CYP2W1: variants seen among roughly 807,000 people sequenced by gnomAD.
CYP2W1 encodes the protein cytochrome P450 family 2 subfamily W member 1.
In CYP2W1, 51 loss-of-function variants were observed where a neutral mutation model predicts 44.9. The ratio of observed to expected loss-of-function variants is 1.14; its 90% CI spans 0.91 to 1.43. The LOEUF (loss-of-function observed/expected upper bound fraction) is 1.43, where lower values mean the gene tolerates loss of function less well. CYP2W1 is among the 40% of genes most tolerant of loss of function. CYP2W1 has a pLI of 0.00. For synonymous variants in CYP2W1, 383 were observed against 338.3 expected, an observed-to-expected ratio of 1.13 and a Z score of -1.45; for missense variants, 746 against 700.0, an observed-to-expected ratio of 1.07 and a Z score of -0.74.
At position 987,239 on chromosome 7, in the gene CYP2W1, G is replaced by A. The variant is rs753155574; in HGVS notation, c.952G>A (p.Val318Met). 2.9e-5 allele frequency: 45 copies of A among 1,526,916 alleles called. No individual in the cohort carries two copies. The highest frequency in any genetic ancestry group is 3.5e-5 in the Non-Finnish European group (40 of 1,135,250). The allele number at this position is 1,526,916 out of a possible 1,614,324, so 94.6% of individuals were successfully genotyped here. A position where few individuals can be genotyped will look rare whatever the true frequency, so the allele number is the denominator to read the frequency against. Residue 318 changes from valine to methionine, a missense_variant, in exon 6 of 9, where the codon GTG becomes ATG. By Grantham distance (21) the Val-to-Met change is conservative (BLOSUM62 1). Transcript: ENST00000308919. ...ACTTCTGATGGGCCGGCACCCGGACGTGCAGGGTGAGACCCCGGCGCCTGG... is the reference window on the plus strand; with the variant it reads ...ACTTCTGATGGGCCGGCACCCGGACATGCAGGGTGAGACCCCGGCGCCTGG... ...AALLMGRHPD[V>M]QGRVQEELDR...
intron 4 of CYP2W1, 59 bp from the exon 5 acceptor site, chr7:986,565 G>GATCA: frequency 6.3e-7 from 1 of 1,585,164 alleles, no homozygotes; most frequent in East Asian, 2.2e-5. Context: ...ATCACCGCCT[G>GATCA]CCCAGCGTGC....
In CYP2W1 at chr7:987,329, G is replaced by A. The variant is rs531160646; in HGVS notation, c.959-18G>A. 6.4e-7 allele frequency: 1 copy of A among 1,560,606 alleles called. No individual in the cohort carries two copies. The highest frequency in any genetic ancestry group is 1.2e-5 in the South Asian group (1 of 86,952). ...GAGGGATGGCGCTGCCACCCAAGCG[G>A]CCCACCCTTTGCCCCAGGCCGGGTG... On this transcript the variant is annotated intron_variant, in intron 6 of 8. Transcript: ENST00000308919.
chr7:988,555 C>T (rs1562957184), intron 8 of CYP2W1, 80 bp from the exon 9 acceptor site: 1 of 1,597,874 alleles, frequency 6.3e-7, no homozygotes, highest in Non-Finnish European at 8.5e-7. Flanking sequence ...TGCTCCTGTG[C>T]TCCCCTGGGG....
intron 1 of CYP2W1, 117 bp from the exon 2 acceptor site, chr7:984,295 A>G: frequency 1.5e-6 from 2 of 1,350,528 alleles, no homozygotes; most frequent in Non-Finnish European, 2.0e-6. Context: ...TGCCCCCTCC[A>G]CCTGCCCCCA....
chr7:986,362 T>A, intron 4 of CYP2W1: 1 of 539,872 alleles, frequency 1.9e-6, no homozygotes, highest in Non-Finnish European at 3.3e-6. Flanking sequence ...GGCAGCTGCC[T>A]CCCTCCTCCC....
rs1848413625 is a variant in CYP2W1, at chr7:987,111, A to G, written c.824A>G (p.Asp275Gly). 3 of 1,545,510 alleles carry G rather than the reference A, an allele frequency of 1.9e-6. No homozygotes were observed. Among genetic ancestry groups the G allele is most frequent in the South Asian group, 1.2e-5 (1 of 82,546 alleles). ...VDALIQQGQG[D>G]DPEGLFAEAN... ...CCCTGCCCCACGCCTCTGCAGGGGG[A>G]TGACCCCGAGGGCCTGTTTGCTGAG... is the stretch of plus-strand genomic sequence containing the variant. Residue 275 changes from aspartate (D) to glycine (G), a missense_variant, in exon 6 of 9, where the codon GAT becomes GGT. Physicochemically the swap from Asp to Gly is moderately conservative, Grantham distance 94. Coordinates refer to ENST00000308919, the MANE Select transcript of CYP2W1 (RefSeq NM_017781.3).
Position 986,613 on chromosome 7 carries a change from C to G in CYP2W1, c.646-11C>G, listed in dbSNP as rs765407364. ...GCGTCCTTATCTCCGCTCCTCCTGC[C>G]TCCTGCCCAGCTGTTCAACGTCTAC... is the stretch of plus-strand genomic sequence containing the variant. On this transcript the variant is annotated splice_polypyrimidine_tract_variant and intron_variant, in intron 4 of 8. Transcript: ENST00000308919. 2 of 1,612,498 alleles carry G rather than the reference C, an allele frequency of 1.2e-6. No individual in the cohort carries two copies. Among genetic ancestry groups the G allele is most frequent in the East Asian group, 4.5e-5 (2 of 44,874 alleles).
chr7:987,352 G>A lies in CYP2W1; in HGVS notation c.964G>A (p.Val322Met), dbSNP rs745500143. ...MGRHPDVQGR[V>M]QEELDRVLGP... ...CGGCCCACCCTTTGCCCCAGGCCGG[G>A]TGCAGGAGGAGCTAGACCGCGTGCT... The change falls in exon 7 of 9, where the codon GTG becomes ATG. Residue 322 changes from valine to methionine, a missense_variant. Coordinates refer to ENST00000308919, the MANE Select transcript of CYP2W1 (RefSeq NM_017781.3). 3.0e-5 allele frequency: 48 copies of A among 1,579,320 alleles called. No individual in the cohort carries two copies. In the South Asian group the frequency reaches 5.3e-4, roughly 17 times the overall value.
At position 984,581 on chromosome 7, in the gene CYP2W1, G is replaced by T. The variant is rs755681884; in HGVS notation, c.337+7G>T. 5 of 1,559,440 alleles carry T rather than the reference G, an allele frequency of 3.2e-6. No individual in the cohort carries two copies. In the East Asian group the frequency reaches 1.2e-4, roughly 37 times the overall value. On this transcript the variant is annotated splice_region_variant and intron_variant, in intron 2 of 8. Coordinates refer to ENST00000308919, the MANE Select transcript of CYP2W1 (RefSeq NM_017781.3). ...CTCATCCAGCGAGGTGGAGGTCGGTGTGTGGCCGGCGCTACGGGGCCTACT... is the reference window on the plus strand; with the variant it reads ...CTCATCCAGCGAGGTGGAGGTCGGTTTGTGGCCGGCGCTACGGGGCCTACT...
In CYP2W1 at chr7:983,620, C is replaced by T. The variant is rs116375874; in HGVS notation, c.174+235C>T. 8.2e-3 allele frequency among the ~76,000 whole-genome samples: 1,255 copies of T among 152,288 alleles called. 12 individuals are homozygous for T. Among genetic ancestry groups the T allele is most frequent in the African/African-American group, 0.029 (1,211 of 41,556 alleles). Reference sequence around the variant, plus strand: ...AGCCCTGGAGGTGCCACCCAGGGCCCGGCGCGGGAGCAGGAGTCTGGAGGG... The same window carrying T: ...AGCCCTGGAGGTGCCACCCAGGGCCTGGCGCGGGAGCAGGAGTCTGGAGGG... On this transcript the variant is annotated intron_variant, in intron 1 of 8. Coordinates refer to ENST00000308919, the MANE Select transcript of CYP2W1 (RefSeq NM_017781.3).
chr7:989,122 T>G lies in CYP2W1; in HGVS notation c.*300T>G. On this transcript the variant is annotated 3_prime_UTR_variant, in exon 9 of 9. Transcript: ENST00000308919. ...CCCTGAAGCTGCACTCCCACCCACC[T>G]AGCTCCCCCCAGGGCCCCCCAGCAC... 4.9e-5 allele frequency: 18 copies of G among 365,600 alleles called. No homozygotes were observed. Among genetic ancestry groups the G allele is most frequent in the Non-Finnish European group, 4.9e-5 (10 of 204,920 alleles). The allele number at this position is 365,600 out of a possible 1,614,324, so 22.6% of individuals were successfully genotyped here. A position where few individuals can be genotyped will look rare whatever the true frequency, so the allele number is the denominator to read the frequency against.
At chr7:984,718 A>T in intron 2 of CYP2W1, 144 bp downstream of exon 2, 1 of 1,271,498 alleles carries the variant, frequency 7.9e-7, no homozygotes, top group South Asian at 1.5e-5. Flanking sequence ...GCTGGTGCTG[A>T]GAAGGGCCAG....
Position 983,309 on chromosome 7 carries a change from C to T in CYP2W1, c.98C>T (p.Pro33Leu), listed in dbSNP as rs544975130. Residue 33 changes from proline (P) to leucine (L), a missense_variant, in exon 1 of 9, where the codon CCG becomes CTG. Pro to Leu is a moderately conservative substitution (Grantham distance 98). Transcript: ENST00000308919. ...QDPSPAARWP[P>L]GPRPLPLVGN... Reference sequence around the variant, plus strand: ...CCCTCCCCAGCTGCCCGGTGGCCCCCGGGGCCTCGCCCGCTGCCGCTCGTC... The same window carrying T: ...CCCTCCCCAGCTGCCCGGTGGCCCCTGGGGCCTCGCCCGCTGCCGCTCGTC... 9.5e-5 allele frequency: 147 copies of T among 1,541,264 alleles called. 1 individual carries two copies. In the South Asian group the frequency reaches 1.2e-3, roughly 13 times the overall value.
intron 1 of CYP2W1, among the ~76,000 whole-genome samples, chr7:983,600 T>C (rs1378822093): frequency 1.3e-5 from 2 of 152,110 alleles, no homozygotes; most frequent in African/African-American, 2.4e-5. Flanking sequence ...GAAGAAGCCC[T>C]GGAGGTGCCA....
rs1191245867 is a variant in CYP2W1 at position 985,065 on chromosome 7, G to A, written c.453G>A (p.Leu151=). ...EPVADKILQE[L]KCLSGQLDGY... is the part of the protein sequence containing the mutation. ...TGGCTGACAAGATTCTGCAGGAGCTGAAATGCCTCTCTGGGCAGCTGGATG... is the reference window on the plus strand; with the variant it reads ...TGGCTGACAAGATTCTGCAGGAGCTAAAATGCCTCTCTGGGCAGCTGGATG... Residue 151 remains leucine (L), a synonymous_variant, in exon 3 of 9, where the codon CTG becomes CTA. Transcript: ENST00000308919. 7 of 1,612,428 alleles carry A rather than the reference G, an allele frequency of 4.3e-6. No homozygotes were observed. The African/African-American group carries it at 6.7e-5, about 15-fold the overall frequency.
chr7:983,286 C>T lies in CYP2W1; in HGVS notation c.75C>T (p.Pro25=). Residue 25 remains proline (P), a synonymous_variant, in exon 1 of 9, where the codon CCC becomes CCT. Transcript: ENST00000308919. The stretch of plus-strand genomic sequence containing the variant: ...TGCTCTGCGCCTGCGCCCAAGACCC[C>T]TCCCCAGCTGCCCGGTGGCCCCCGG... ...WGLLCACAQD[P]SPAARWPPGP... 1.3e-6 allele frequency: 2 copies of T among 1,544,202 alleles called. No individual in the cohort carries two copies. Among genetic ancestry groups the T allele is most frequent in the South Asian group, 1.2e-5 (1 of 83,694 alleles).
intron 7 of CYP2W1, among the ~76,000 whole-genome samples, chr7:987,873 G>A (rs1370878190): frequency 6.6e-6 from 1 of 151,460 alleles, no homozygotes; most frequent in African/African-American, 2.4e-5. Flanking sequence ...TGTGTCCTGG[G>A]GATCCCCTGT....
chr7:985,839 T>C (rs1342566586), intron 4 of CYP2W1, among the ~76,000 whole-genome samples: 1 of 152,220 alleles, frequency 6.6e-6, no homozygotes, highest in Non-Finnish European at 1.5e-5. Flanking sequence ...GATACCTGCA[T>C]CACGGCTGGA....
chr7:983,521 G>A (rs1004273672), intron 1 of CYP2W1, 136 bp downstream of exon 1: 9 of 857,306 alleles, frequency 1.0e-5, no homozygotes, highest in Admixed American at 3.8e-5. Flanking sequence ...GCAGGAGGCC[G>A]GAGGGCCCAC....
Sources: allele counts gnomAD v4.1 joint callset (sites outside exome capture counted in the v4.1 genomes callset), GRCh38; gene constraint gnomAD v4.1.1; transcripts MANE v1.5; gene names NCBI Gene and HGNC (gene_info 2026-07-23, HGNC 2026-07-21).